Variants in ITGA2 observed in about 807,000 individuals in gnomAD.
ITGA2 encodes integrin subunit alpha 2, also known as integrin alpha-2.
In ITGA2, 101 loss-of-function variants were observed where a neutral mutation model predicts 146.3. The observed-to-expected ratio is 0.69, with a 90% CI of 0.59 to 0.81. The LOEUF (loss-of-function observed/expected upper bound fraction) is 0.81, where lower values mean the gene tolerates loss of function less well. Ranked by LOEUF, ITGA2 falls within the 40% of genes least tolerant of loss-of-function variation. The pLI is 0.00. For missense variants in ITGA2, 1,281 were observed against 1,402.7 expected, an observed-to-expected ratio of 0.91 and a Z score of 1.39; for synonymous variants, 477 against 487.1, an observed-to-expected ratio of 0.98 and a Z score of 0.27.
chr5:53,029,431 C>G (rs948139202), intron 2 of ITGA2, among the ~76,000 whole-genome samples: 9 of 152,162 alleles, frequency 5.9e-5, no homozygotes, highest in Non-Finnish European at 1.3e-4. Context: ...CTTGAACATG[C>G]CTAGCTCATT....
intron 7 of ITGA2, among the ~76,000 whole-genome samples, chr5:53,054,050 A>G (rs894717757): frequency 1.3e-5 from 2 of 152,314 alleles, no homozygotes; most frequent in Non-Finnish European, 2.9e-5. Context: ...AAAATGCAGA[A>G]TATTTTCTAT....
At chr5:53,021,308 G>A (rs1004499528) in intron 1 of ITGA2, among the ~76,000 whole-genome samples, 1 of 152,072 alleles carries the variant, frequency 6.6e-6, no homozygotes, top group Non-Finnish European at 1.5e-5. Flanking sequence ...AATTATTAAA[G>A]CTATTTAATA....
chr5:53,047,497 G>A (rs148409215), intron 4 of ITGA2, among the ~76,000 whole-genome samples: 91 of 152,296 alleles, frequency 6.0e-4, no homozygotes, highest in African/African-American at 1.9e-3. Context: ...GCCATTCAGC[G>A]TTAGTGACTG....
intron 5 of ITGA2, 61 bp downstream of exon 5, chr5:53,048,538 G>A (rs888067156): frequency 6.2e-7 from 1 of 1,608,110 alleles, no homozygotes; most frequent in South Asian, 1.1e-5. Context: ...GGGGGAAAAG[G>A]TTATCAACTA....
Position 53,003,896 on chromosome 5 carries a change from T to G in ITGA2, c.64+14364T>G, listed in dbSNP as rs1233545271. Among the ~76,000 whole-genome samples the G allele has an allele frequency of 2.0e-5, 3 of 152,084 alleles. No individual in the cohort carries two copies. The East Asian group carries it at 5.8e-4, about 29-fold the overall frequency. On this transcript the variant is annotated intron_variant, in intron 1 of 29. Coordinates refer to ENST00000296585, the MANE Select transcript of ITGA2 (RefSeq NM_002203.4). ...CCTCAGCTCAAGCGATCTGCCCTCC[T>G]CAGCCTCCCGAAGTGCTGGGATTAC...
intron 1 of ITGA2, among the ~76,000 whole-genome samples, chr5:53,019,726 A>G (rs930844401): frequency 6.6e-6 from 1 of 152,046 alleles, no homozygotes; most frequent in African/African-American, 2.4e-5. Context: ...TGGTTTCCCC[A>G]TCTTGGCCAG....
At chr5:53,031,438 C>T (rs911862462) in intron 2 of ITGA2, among the ~76,000 whole-genome samples, 3 of 152,146 alleles carry the variant, frequency 2.0e-5, no homozygotes, top group Non-Finnish European at 2.9e-5. Flanking sequence ...ACTCCTTTCC[C>T]TCAGACAACT....
chr5:53,019,065 A>T (rs1742542706), intron 1 of ITGA2, among the ~76,000 whole-genome samples: 1 of 151,264 alleles, frequency 6.6e-6, no homozygotes, highest in South Asian at 2.1e-4. Flanking sequence ...CTCCAGTCTC[A>T]AAATAAATAA....
intron 2 of ITGA2, among the ~76,000 whole-genome samples, chr5:53,031,166 G>A (rs1052176367): frequency 6.6e-6 from 1 of 152,242 alleles, no homozygotes; most frequent in African/African-American, 2.4e-5. Context: ...AGTAGCAGAT[G>A]TGGGAAGGAC....
intron 7 of ITGA2, among the ~76,000 whole-genome samples, chr5:53,055,294 C>T (rs983723735): frequency 2.6e-5 from 4 of 152,050 alleles, no homozygotes; most frequent in African/African-American, 9.7e-5. Context: ...TAAATACATG[C>T]ACACATATAC....
chr5:52,995,057 A>G (rs1409038060), intron 1 of ITGA2, among the ~76,000 whole-genome samples: 4 of 152,234 alleles, frequency 2.6e-5, no homozygotes, highest in African/African-American at 9.6e-5. Flanking sequence ...CTCGTCTCCT[A>G]GTTCCTGGGG....
At chr5:53,061,885 C>G (rs1195478453) in intron 12 of ITGA2, among the ~76,000 whole-genome samples, 1 of 152,034 alleles carries the variant, frequency 6.6e-6, no homozygotes. Flanking sequence ...GACCCGAGTT[C>G]TTGACTTCCG....
chr5:53,014,842 G>C (rs2111759917), intron 1 of ITGA2, among the ~76,000 whole-genome samples: 1 of 152,164 alleles, frequency 6.6e-6, no homozygotes, highest in African/African-American at 2.4e-5. Flanking sequence ...TATGTTTCCA[G>C]GAATTTATCT....
rs553588605 is a variant in ITGA2, at chr5:53,056,740, T to C, written c.1096+591T>C. Among the ~76,000 whole-genome samples the C allele has an allele frequency of 2.0e-5, 3 of 151,964 alleles. No individual in the cohort carries two copies. The East Asian group carries it at 5.8e-4, about 29-fold the overall frequency. ...CCTAAAATAATTTACTTAGGTGGCC[T>C]TGGAAAATCTAGTTAGTGCAGAAAG... On this transcript the variant is annotated intron_variant, in intron 9 of 29. Coordinates refer to ENST00000296585, the MANE Select transcript of ITGA2 (RefSeq NM_002203.4).
Position 53,065,134 on chromosome 5 carries a change from T to C in ITGA2, c.1806+19T>C, listed in dbSNP as rs1340909249. On this transcript the variant is annotated intron_variant, in intron 14 of 29. Coordinates refer to ENST00000296585, the MANE Select transcript of ITGA2 (RefSeq NM_002203.4). ...TTCCCAGGTAATCCATGAGCTGTTA[T>C]GGTGATGTATGTATTTGTGGGTCTT... 1.9e-6 allele frequency: 3 copies of C among 1,607,298 alleles called. No individual in the cohort carries two copies. The highest frequency in any genetic ancestry group is 2.2e-5 in the East Asian group (1 of 44,710).
At chr5:53,065,254 C>A in intron 14 of ITGA2, 139 bp downstream of exon 14, 1 of 864,788 alleles carries the variant, frequency 1.2e-6, no homozygotes. Context: ...TAAAGTGAGC[C>A]TCTACTGTGT....
chr5:53,058,374 T>A (rs1188847371), intron 10 of ITGA2, among the ~76,000 whole-genome samples: 1 of 151,932 alleles, frequency 6.6e-6, no homozygotes, highest in Non-Finnish European at 1.5e-5. Flanking sequence ...AGACTGTATA[T>A]TAACTTAAGG....
At position 53,067,239 on chromosome 5, in the gene ITGA2, A is replaced by G. The variant is rs1180932699; in HGVS notation, c.2065A>G (p.Lys689Glu). Residue 689 changes from lysine (K) to glutamate (E), a missense_variant, in exon 16 of 30, where the codon AAG becomes GAG. Lys to Glu is a moderately conservative substitution (Grantham distance 56, BLOSUM62 1). Coordinates refer to ENST00000296585, the MANE Select transcript of ITGA2 (RefSeq NM_002203.4). ...LCFSAKFRPT[K>E]QNNQVAIVYN... ...CTTCAGTGCAAAGTTCAGACCTACT[A>G]AGCAAAACAATCAAGTGGGTGCGTA... 1 of 1,611,628 alleles carries G rather than the reference A, an allele frequency of 6.2e-7. No individual in the cohort carries two copies. Among genetic ancestry groups the G allele is most frequent in the Non-Finnish European group, 8.5e-7 (1 of 1,178,642 alleles).
Position 53,041,355 on chromosome 5 carries a change from A to T in ITGA2, c.186-757A>T, listed in dbSNP as rs1211746968. ...ACACCAATCTCATCCTGTATTCTAG[A>T]TATATGCACTTTGTTACACATAAAG... On this transcript the variant is annotated intron_variant, in intron 2 of 29. Coordinates refer to ENST00000296585, the MANE Select transcript of ITGA2 (RefSeq NM_002203.4). Among the ~76,000 whole-genome samples the T allele has an allele frequency of 2.0e-5, 3 of 152,184 alleles. No individual in the cohort carries two copies. In the East Asian group the frequency reaches 5.8e-4, roughly 29 times the overall value.
Sources: allele counts gnomAD v4.1 joint callset (sites outside exome capture counted in the v4.1 genomes callset), GRCh38; gene constraint gnomAD v4.1.1; transcripts MANE v1.5; gene names NCBI Gene and HGNC (gene_info 2026-07-23, HGNC 2026-07-21).